The following KCTD20 variants were observed in gnomAD, a reference collection of about 807,000 sequenced individuals.
KCTD20 encodes the protein potassium channel tetramerization domain containing 20, also known as BTB/POZ domain-containing protein KCTD20.
A neutral mutation model predicts 39.6 loss-of-function variants in KCTD20; 30 were observed. That is an observed-to-expected ratio of 0.76 (90% CI 0.57 to 1.03). The LOEUF (loss-of-function observed/expected upper bound fraction) is 1.03, where lower values mean the gene tolerates loss of function less well. KCTD20 is among the 50% of genes least tolerant of loss of function. The pLI, the probability that KCTD20 is intolerant of heterozygous loss-of-function variation, is 0.00. For synonymous variants in KCTD20, 162 were observed against 180.6 expected, an observed-to-expected ratio of 0.90 and a Z score of 0.83; for missense variants, 422 against 522.0, an observed-to-expected ratio of 0.81 and a Z score of 1.87.
chr6:36,474,843 T>A lies in KCTD20; in HGVS notation c.215T>A (p.Met72Lys), dbSNP rs977541541. ...QPANLQFPHIMPLAEDIKGSC... is the reference protein window; with the variant it reads ...QPANLQFPHIKPLAEDIKGSC... Reference sequence around the variant, plus strand: ...GCAAATCTTCAGTTCCCTCACATAATGCCCCTTGCTGAAGACATCAAAGGT... The same window carrying A: ...GCAAATCTTCAGTTCCCTCACATAAAGCCCCTTGCTGAAGACATCAAAGGT... The change falls in exon 3 of 8, where the codon ATG becomes AAG. Residue 72 changes from methionine (M) to lysine (K), a missense_variant. Coordinates refer to ENST00000373731, the MANE Select transcript of KCTD20 (RefSeq NM_173562.5). 2.5e-6 allele frequency: 4 copies of A among 1,614,068 alleles called. No homozygotes were observed.
intron 3 of KCTD20, among the ~76,000 whole-genome samples, chr6:36,478,243 G>T (rs1016936380): frequency 4.6e-5 from 7 of 152,212 alleles, no homozygotes; most frequent in Admixed American, 6.5e-5. Context: ...GCTGGTTGAA[G>T]ATAGCAGCTG....
chr6:36,451,273 T>C (rs1011391343), intron 1 of KCTD20: 1 of 152,248 alleles, frequency 6.6e-6, no homozygotes, highest in African/African-American at 2.4e-5. Context: ...TATCTGTTTT[T>C]AGAGATACAT....
At chr6:36,470,733 T>C (rs1391999642) in intron 2 of KCTD20, among the ~76,000 whole-genome samples, 1 of 152,230 alleles carries the variant, frequency 6.6e-6, no homozygotes, top group Non-Finnish European at 1.5e-5. Flanking sequence ...CACGAGTTGC[T>C]GGGACCACAG....
chr6:36,446,375 AC>A (rs1775049275), intron 1 of KCTD20, among the ~76,000 whole-genome samples: 4 of 152,160 alleles, frequency 2.6e-5, no homozygotes, highest in Admixed American at 2.6e-4. Context: ...TTAGATAACT[AC>A]TTTGGTGATT....
chr6:36,488,141 G>A lies in KCTD20; in HGVS notation c.*966G>A, dbSNP rs529088018. On this transcript the variant is annotated 3_prime_UTR_variant, in exon 8 of 8. Transcript: ENST00000373731. ...GCATGGGGTACATGGAGTGAAGCTGGGTGGGAAGCATCATCTGCACAGTCC... is the reference window on the plus strand; with the variant it reads ...GCATGGGGTACATGGAGTGAAGCTGAGTGGGAAGCATCATCTGCACAGTCC... The A allele has an allele frequency of 1.6e-4, 25 of 152,288 alleles. No homozygotes were observed. Among genetic ancestry groups the A allele is most frequent in the African/African-American group, 6.0e-4 (25 of 41,548 alleles). 9.4% of individuals were successfully genotyped at this position (152,288 alleles called of 1,614,324 possible). A position where few individuals can be genotyped will look rare whatever the true frequency, so the allele number is the denominator to read the frequency against.
At chr6:36,456,405 A>G (rs1246155658) in intron 1 of KCTD20, among the ~76,000 whole-genome samples, 2 of 152,098 alleles carry the variant, frequency 1.3e-5, no homozygotes, top group South Asian at 2.1e-4. Flanking sequence ...CAGACTCCCA[A>G]GTAGCCAGGA....
chr6:36,467,318 ATTTTTTTTTTTTTTTTTTTTTTT>A lies in KCTD20; in HGVS notation c.-46-2718_-46-2696del, dbSNP rs775332647. Among the ~76,000 whole-genome samples, 3 of 29,906 alleles carry A rather than the reference ATTTTTTTTTTTTTTTTTTTTTTT, an allele frequency of 1.0e-4. 1 individual carries two copies. The highest frequency in any genetic ancestry group is 0.062 in the Middle Eastern group (2 of 32). The allele number at this position is 29,906 out of a possible 152,430, so 19.6% of individuals were successfully genotyped here. A position where few individuals can be genotyped will look rare whatever the true frequency, so the allele number is the denominator to read the frequency against. The stretch of plus-strand genomic sequence containing the variant: ...TGAAAGACTCCGAAAATCCTTCAGG[ATTTTTTTTTTTTTTTTTTTTTTT>A]TTTTTTTTTTTTTTTGAGACGGAGT... On this transcript the variant is annotated intron_variant, in intron 1 of 7. Transcript: ENST00000373731.
intron 1 of KCTD20, chr6:36,451,098 G>A (rs12663476): frequency 0.022 from 3,388 of 152,274 alleles, 65 homozygotes; most frequent in Middle Eastern, 0.037. Flanking sequence ...ATTTGGTGCA[G>A]ACACCTGATT....
chr6:36,479,578 AATCT>A lies in KCTD20; in HGVS notation c.538-10_538-7del. On this transcript the variant is annotated splice_polypyrimidine_tract_variant and intron_variant, in intron 4 of 7. Coordinates refer to ENST00000373731, the MANE Select transcript of KCTD20 (RefSeq NM_173562.5). ...TTCTCTGCCTACATTTTTTCTTCCT[AATCT>A]ATTTACAGGATTATTACAAAACCGG... The A allele has an allele frequency of 1.3e-6, 2 of 1,596,918 alleles. No individual in the cohort carries two copies. Among genetic ancestry groups the A allele is most frequent in the Non-Finnish European group, 1.7e-6 (2 of 1,175,150 alleles).
At chr6:36,447,110 G>A (rs1775071747) in intron 1 of KCTD20, among the ~76,000 whole-genome samples, 2 of 152,124 alleles carry the variant, frequency 1.3e-5, no homozygotes, top group African/African-American at 2.4e-5. Context: ...TTGGGAAGTG[G>A]TTAAGAATGT....
Position 36,487,347 on chromosome 6 carries a change from G to A in KCTD20, c.*172G>A, listed in dbSNP as rs149808270. 7.8e-4 allele frequency: 514 copies of A among 658,920 alleles called. No homozygotes were observed. In the African/African-American group the frequency reaches 7.8e-3, roughly 10 times the overall value. 40.8% of individuals were successfully genotyped at this position (658,920 alleles called of 1,614,324 possible). A position where few individuals can be genotyped will look rare whatever the true frequency, so the allele number is the denominator to read the frequency against. On this transcript the variant is annotated 3_prime_UTR_variant, in exon 8 of 8. Coordinates refer to ENST00000373731, the MANE Select transcript of KCTD20 (RefSeq NM_173562.5). Reference sequence around the variant, plus strand: ...TTCAGTAAGTCCATGCCTCTGGCAGGGGATGAAGAAGTACTCACTGGTAAT... The same window carrying A: ...TTCAGTAAGTCCATGCCTCTGGCAGAGGATGAAGAAGTACTCACTGGTAAT...
At chr6:36,467,176 T>C (rs1775779723) in intron 1 of KCTD20, among the ~76,000 whole-genome samples, 1 of 150,922 alleles carries the variant, frequency 6.6e-6, no homozygotes, top group African/African-American at 2.4e-5. Context: ...GGCGTGGTGG[T>C]GGGTGCCTGT....
intron 1 of KCTD20, among the ~76,000 whole-genome samples, chr6:36,450,709 G>A (rs902718925): frequency 6.6e-6 from 1 of 152,072 alleles, no homozygotes; most frequent in African/African-American, 2.4e-5. Flanking sequence ...TTAGCCTACT[G>A]AATAATGTGC....
chr6:36,467,335 T>C (rs1284242704), intron 1 of KCTD20, among the ~76,000 whole-genome samples: 1 of 68,186 alleles, frequency 1.5e-5, no homozygotes, highest in Admixed American at 1.4e-4. Flanking sequence ...TTTTTTTTTT[T>C]TTTTTTTTTT....
At chr6:36,461,115 C>T (rs1775589443) in intron 1 of KCTD20, among the ~76,000 whole-genome samples, 1 of 152,078 alleles carries the variant, frequency 6.6e-6, no homozygotes, top group South Asian at 2.1e-4. Flanking sequence ...AGTAATTTGA[C>T]ATATGAAAGA....
intron 5 of KCTD20, among the ~76,000 whole-genome samples, chr6:36,480,804 G>A (rs146384499): frequency 2.6e-5 from 4 of 152,182 alleles, no homozygotes; most frequent in South Asian, 2.1e-4. Flanking sequence ...CTGCCACCTC[G>A]GCCTCCCAAA....
chr6:36,446,982 G>A (rs1561940180), intron 1 of KCTD20, among the ~76,000 whole-genome samples: 1 of 152,176 alleles, frequency 6.6e-6, no homozygotes, highest in African/African-American at 2.4e-5. Context: ...TAAGACACAA[G>A]AGATTAAGTT....
intron 1 of KCTD20, among the ~76,000 whole-genome samples, chr6:36,465,026 GGTGGCTC>G (rs1775703155): frequency 6.6e-6 from 1 of 152,000 alleles, no homozygotes; most frequent in African/African-American, 2.4e-5. Flanking sequence ...GGTATGAAAT[GGTGGCTC>G]ACGCCTGTAA....
intron 3 of KCTD20, among the ~76,000 whole-genome samples, chr6:36,476,427 C>A (rs934563459): frequency 6.5e-5 from 9 of 137,518 alleles, no homozygotes; most frequent in East Asian, 2.3e-4. Context: ...CACAGTGAAC[C>A]ATTTTTTTTT....
Sources: gnomAD v4.1 joint callset for allele counts (sites outside exome capture counted in the v4.1 genomes callset) on GRCh38, gnomAD v4.1.1 for gene constraint, MANE v1.5 for transcripts, NCBI Gene and HGNC (gene_info 2026-07-23, HGNC 2026-07-21) for gene names.